Variants in GABRG3 observed in about 807,000 individuals in gnomAD.
GABRG3 encodes the protein gamma-aminobutyric acid receptor subunit gamma-3.
GABRG3 carries 25 observed loss-of-function variants against 48.8 expected under a neutral mutation model. That is an observed-to-expected ratio of 0.51 (90% confidence interval 0.37 to 0.72). The LOEUF is 0.72. Among genes scored for constraint, GABRG3 ranks in the 30% least tolerant of loss-of-function variants. The pLI, the probability that GABRG3 is intolerant of heterozygous loss-of-function variation, is 0.00. For synonymous variants in GABRG3, 227 were observed against 217.6 expected (o/e 1.04, Z -0.38); for missense variants, 394 against 577.9 (o/e 0.68, Z 3.26).
At chr15:27,504,955 A>G (rs1414996602) in intron 6 of GABRG3, among the ~76,000 whole-genome samples, 3 of 152,176 alleles carry the variant, frequency 2.0e-5, no homozygotes, top group Non-Finnish European at 2.9e-5. Context: ...TTACTTTGCC[A>G]TAGCGAGGTT....
Position 27,388,103 on chromosome 15 carries a change from GGAGGGAAAAGAAGGAAGGAAGGA to G in GABRG3, c.574+59216_574+59238del, listed in dbSNP as rs1480587817. On this transcript the variant is annotated intron_variant, in intron 5 of 9. Transcript: ENST00000615808. ...GAAGGAAAGGAGGGAGGAAAGGGAG[GGAGGGAAAAGAAGGAAGGAAGGA>G]AAGGAGGGAGGGAGGGTAAGGAAGG... 2.5e-4 allele frequency among the ~76,000 whole-genome samples: 12 copies of G among 48,644 alleles called. 1 individual carries two copies. The highest frequency in any genetic ancestry group is 1.4e-3 in the East Asian group (3 of 2,072). 31.9% of individuals were successfully genotyped at this position (48,644 alleles called of 152,430 possible). A position where few individuals can be genotyped will look rare whatever the true frequency, so the allele number is the denominator to read the frequency against.
At chr15:27,248,803 C>CACAGAGAGAGAGAGAG (rs1377080195) in intron 3 of GABRG3, among the ~76,000 whole-genome samples, 4 of 110,172 alleles carry the variant, frequency 3.6e-5, no homozygotes, top group African/African-American at 1.2e-4. Context: ...CACACACACA[C>CACAGAGAGAGAGAGAG]AGAGAGAGAG....
chr15:27,246,548 C>A (rs1890276545), intron 3 of GABRG3, among the ~76,000 whole-genome samples: 1 of 152,080 alleles, frequency 6.6e-6, no homozygotes, highest in African/African-American at 2.4e-5. Flanking sequence ...CAAAACTTTT[C>A]TTTTAAGGAA....
intron 6 of GABRG3, among the ~76,000 whole-genome samples, chr15:27,489,638 C>G (rs2380557): frequency 6.6e-6 from 1 of 152,162 alleles, no homozygotes; most frequent in Non-Finnish European, 1.5e-5. Flanking sequence ...TGATGATGAG[C>G]TTTTTTTCAT....
chr15:27,223,036 T>C (rs1023648363), intron 3 of GABRG3, among the ~76,000 whole-genome samples: 21 of 152,226 alleles, frequency 1.4e-4, no homozygotes, highest in African/African-American at 5.1e-4. Context: ...AGGATAGATA[T>C]GGTATAATCC....
At chr15:27,462,619 T>G (rs539090808) in intron 5 of GABRG3, among the ~76,000 whole-genome samples, 2 of 152,366 alleles carry the variant, frequency 1.3e-5, no homozygotes, top group East Asian at 3.9e-4. Context: ...TGAAATACTG[T>G]GTTTTATTCC....
chr15:27,466,687 C>G (rs746759339), intron 5 of GABRG3, among the ~76,000 whole-genome samples: 19 of 152,168 alleles, frequency 1.2e-4, no homozygotes, highest in African/African-American at 4.6e-4. Flanking sequence ...GGCTGCTGCT[C>G]CTCTTAAACC....
At chr15:27,000,010 A>G (rs895232700) in intron 2 of GABRG3, among the ~76,000 whole-genome samples, 5 of 152,088 alleles carry the variant, frequency 3.3e-5, no homozygotes, top group Admixed American at 3.3e-4. Context: ...CCCTGTTTTT[A>G]AAATTTTTTC....
In GABRG3 at chr15:27,540,281, G is replaced by A. The variant is rs141056651; in HGVS notation, c.*7400G>A. 30 of 150,722 alleles carry A rather than the reference G, an allele frequency of 2.0e-4. No homozygotes were observed. The East Asian group carries it at 4.5e-3, about 22-fold the overall frequency. The allele number at this position is 150,722 out of a possible 1,614,324, so 9.3% of individuals were successfully genotyped here. A position where few individuals can be genotyped will look rare whatever the true frequency, so the allele number is the denominator to read the frequency against. Reference sequence around the variant, plus strand: ...GATTGCTTTCTCTCTTTTTTTTTCCGTTTTTACCTTAGTTGGCTATTTTAT... The same window carrying A: ...GATTGCTTTCTCTCTTTTTTTTTCCATTTTTACCTTAGTTGGCTATTTTAT... On this transcript the variant is annotated 3_prime_UTR_variant, in exon 10 of 10. Transcript: ENST00000615808.
At chr15:26,972,566 A>C (rs1894866796) in intron 1 of GABRG3, among the ~76,000 whole-genome samples, 1 of 152,018 alleles carries the variant, frequency 6.6e-6, no homozygotes, top group African/African-American at 2.4e-5. Context: ...CCTATCCCCC[A>C]AACCCTCTTG....
At chr15:27,424,280 A>C (rs1888222576) in intron 5 of GABRG3, among the ~76,000 whole-genome samples, 1 of 152,190 alleles carries the variant, frequency 6.6e-6, no homozygotes, top group Admixed American at 6.5e-5. Flanking sequence ...CTGCTATAAC[A>C]AAATACCCAA....
chr15:27,275,294 C>T (rs1026585123), intron 3 of GABRG3, among the ~76,000 whole-genome samples: 2 of 152,126 alleles, frequency 1.3e-5, no homozygotes, highest in East Asian at 1.9e-4. Context: ...TTTAAAATTT[C>T]ATGGTTCTTT....
At chr15:27,362,855 A>C (rs9707967) in intron 5 of GABRG3, 67,105 of 152,072 alleles carry the variant, frequency 0.44, 15,484 homozygotes, top group Middle Eastern at 0.56. Flanking sequence ...ACAAGGGTGC[A>C]TCAGAAGTTG....
chr15:27,114,518 A>G lies in GABRG3; in HGVS notation c.270+87697A>G, dbSNP rs1897608909. ...ATAACACATGCATAACAGTCCCAGT[A>G]TAACCATACCAAGAAGCAGTGATTG... On this transcript the variant is annotated intron_variant, in intron 3 of 9. Transcript: ENST00000615808. Among the ~76,000 whole-genome samples, 3 of 152,220 alleles carry G rather than the reference A, an allele frequency of 2.0e-5. No individual in the cohort carries two copies. The South Asian group carries it at 6.2e-4, about 32-fold the overall frequency.
At chr15:27,039,353 G>T (rs1028866289) in intron 3 of GABRG3, among the ~76,000 whole-genome samples, 1 of 152,174 alleles carries the variant, frequency 6.6e-6, no homozygotes, top group Non-Finnish European at 1.5e-5. Flanking sequence ...TAGACCATGG[G>T]GCTGCCTGCT....
chr15:27,213,515 A>G lies in GABRG3; in HGVS notation c.271-113294A>G, dbSNP rs532552245. Among the ~76,000 whole-genome samples the G allele has an allele frequency of 2.6e-5, 4 of 152,312 alleles. No individual in the cohort carries two copies. In the East Asian group the frequency reaches 7.7e-4, roughly 29 times the overall value. On this transcript the variant is annotated intron_variant, in intron 3 of 9. Coordinates refer to ENST00000615808, the MANE Select transcript of GABRG3 (RefSeq NM_033223.5). ...AAAACACAGGGGACTTCATTGTTAC[A>G]TTAACTCAGATAAACTAGAACCTCT...
At chr15:27,224,368 C>T (rs182156189) in intron 3 of GABRG3, among the ~76,000 whole-genome samples, 1 of 152,160 alleles carries the variant, frequency 6.6e-6, no homozygotes, top group Non-Finnish European at 1.5e-5. Context: ...GCCAGCCTTA[C>T]CAGCTGCATA....
At chr15:27,065,325 G>A (rs1275561318) in intron 3 of GABRG3, among the ~76,000 whole-genome samples, 2 of 152,244 alleles carry the variant, frequency 1.3e-5, no homozygotes, top group South Asian at 2.1e-4. Flanking sequence ...AGCAAAACCT[G>A]CTGCTAGACA....
intron 3 of GABRG3, among the ~76,000 whole-genome samples, chr15:27,035,345 C>T (rs570508479): frequency 1.1e-4 from 17 of 152,262 alleles, no homozygotes; most frequent in African/African-American, 4.1e-4. Context: ...ACTGAGATGT[C>T]GGTAATCATG....
Sources: allele counts gnomAD v4.1 joint callset (sites outside exome capture counted in the v4.1 genomes callset), GRCh38; gene constraint gnomAD v4.1.1; transcripts MANE v1.5; gene names NCBI Gene and HGNC (gene_info 2026-07-23, HGNC 2026-07-21).